Variants in DNER observed in about 807,000 individuals in gnomAD.
DNER encodes delta/notch like EGF repeat containing.
A neutral mutation model predicts 78.2 loss-of-function variants in DNER; 33 were observed. The ratio of observed to expected loss-of-function variants is 0.42; its 90% confidence interval spans 0.32 to 0.56. The LOEUF is 0.56. Among genes scored for constraint, DNER ranks in the 20% least tolerant of loss-of-function variants. The probability of loss-of-function intolerance (pLI) is 0.11; values close to 1 mark genes in which losing one functional copy is unlikely to be tolerated. For synonymous variants in DNER, 417 were observed against 384.8 expected (o/e 1.08, Z -0.98); for missense variants, 918 against 975.3 (o/e 0.94, Z 0.78).
intron 8 of DNER, among the ~76,000 whole-genome samples, chr2:229,419,286 T>C (rs1169794412): frequency 6.6e-6 from 1 of 152,246 alleles, no homozygotes; most frequent in African/African-American, 2.4e-5. Context: ...TGTTTTCAAC[T>C]TTTGAAAACA....
intron 7 of DNER, among the ~76,000 whole-genome samples, chr2:229,461,530 A>T (rs953572075): frequency 6.6e-6 from 1 of 151,978 alleles, no homozygotes; most frequent in African/African-American, 2.4e-5. Flanking sequence ...GACACATTTA[A>T]CCTCCAAAAT....
chr2:229,446,708 G>A (rs535387022), intron 8 of DNER, among the ~76,000 whole-genome samples: 1 of 152,276 alleles, frequency 6.6e-6, no homozygotes, highest in African/African-American at 2.4e-5. Context: ...TCACTTCTAG[G>A]TATCAAAACC....
Position 229,447,497 on chromosome 2 carries a change from G to A in DNER, c.1305C>T (p.Ala435=), listed in dbSNP as rs1694365424. The A allele has an allele frequency of 6.2e-7, 1 of 1,614,166 alleles. No individual in the cohort carries two copies. Among genetic ancestry groups the A allele is most frequent in the Non-Finnish European group, 8.5e-7 (1 of 1,180,028 alleles). Residue 435 remains alanine (A), a synonymous_variant, in exon 8 of 13, where the codon GCC becomes GCT. Transcript: ENST00000341772. ...SACEEKVDPC[A]SSPCQNNGTC... The stretch of plus-strand genomic sequence containing the variant: ...TGCCGTTGTTCTGGCACGGAGACGA[G>A]GCGCAGGGGTCCACCTTTTCTTCAC...
At chr2:229,696,791 T>C (rs772638953) in intron 1 of DNER, among the ~76,000 whole-genome samples, 34 of 152,248 alleles carry the variant, frequency 2.2e-4, no homozygotes, top group Middle Eastern at 6.8e-3. Context: ...ACGGCTGGAA[T>C]GGAGCTTCTG....
intron 5 of DNER, among the ~76,000 whole-genome samples, chr2:229,523,243 T>C (rs1696136194): frequency 6.6e-6 from 1 of 152,242 alleles, no homozygotes. Context: ...CACTCCAGAA[T>C]GCTAACAACC....
chr2:229,667,341 T>G (rs771535054), intron 1 of DNER, among the ~76,000 whole-genome samples: 1 of 152,176 alleles, frequency 6.6e-6, no homozygotes, highest in Admixed American at 6.5e-5. Flanking sequence ...GCATTTTGAT[T>G]TACCACTCTG....
chr2:229,430,946 G>T (rs1440106869), intron 8 of DNER, among the ~76,000 whole-genome samples: 1 of 151,974 alleles, frequency 6.6e-6, no homozygotes, highest in Non-Finnish European at 1.5e-5. Context: ...AAAGGGAAAA[G>T]ACTAGACTTA....
At chr2:229,619,809 A>T (rs1016825440) in intron 1 of DNER, among the ~76,000 whole-genome samples, 6 of 152,216 alleles carry the variant, frequency 3.9e-5, no homozygotes, top group African/African-American at 1.4e-4. Context: ...AATAGTGAAT[A>T]TAAACTTACT....
chr2:229,562,901 C>T lies in DNER; in HGVS notation c.848-15809G>A, dbSNP rs553312423. ...ATCCTTATCCCATTACCATCATCAT[C>T]AACTTCATCATCATCCTTATCCCAT... On this transcript the variant is annotated intron_variant, in intron 4 of 12. Transcript: ENST00000341772. 4.6e-5 allele frequency among the ~76,000 whole-genome samples: 7 copies of T among 152,026 alleles called. No homozygotes were observed. In the South Asian group the frequency reaches 1.5e-3, roughly 32 times the overall value.
chr2:229,591,466 T>C lies in DNER; in HGVS notation c.585+114A>G. ...GAATAAGTTTAGGGAGATATTTTGC[T>C]TCGTGATTTAACTTAAAATGCTTTC... On this transcript the variant is annotated intron_variant, in intron 2 of 12. Coordinates refer to ENST00000341772, the MANE Select transcript of DNER (RefSeq NM_139072.4). The surrounding 1 kb of genome is among the most constrained non-coding windows in gnomAD (Gnocchi z 4.6). 7.7e-7 allele frequency: 1 copy of C among 1,296,258 alleles called. No individual in the cohort carries two copies. Among genetic ancestry groups the C allele is most frequent in the Non-Finnish European group, 1.0e-6 (1 of 961,042 alleles). The allele number at this position is 1,296,258 out of a possible 1,614,324, so 80.3% of individuals were successfully genotyped here.
chr2:229,378,649 T>G (rs1312854082), intron 11 of DNER, among the ~76,000 whole-genome samples: 1 of 152,200 alleles, frequency 6.6e-6, no homozygotes, highest in Non-Finnish European at 1.5e-5. Flanking sequence ...CTTTTCTGTT[T>G]AGATCTACTG....
At chr2:229,559,637 G>T (rs1696919196) in intron 4 of DNER, among the ~76,000 whole-genome samples, 1 of 152,012 alleles carries the variant, frequency 6.6e-6, no homozygotes, top group African/African-American at 2.4e-5. Flanking sequence ...CAGAAGAAAG[G>T]GAAGGAAGGA....
intron 1 of DNER, among the ~76,000 whole-genome samples, chr2:229,639,119 A>T (rs1268203840): frequency 6.6e-6 from 1 of 152,242 alleles, no homozygotes; most frequent in African/African-American, 2.4e-5. Flanking sequence ...CATCTCTATG[A>T]CCATACCATG....
At chr2:229,548,755 A>T (rs1293281670) in intron 4 of DNER, among the ~76,000 whole-genome samples, 1 of 152,208 alleles carries the variant, frequency 6.6e-6, no homozygotes, top group East Asian at 1.9e-4. Context: ...AAAATATATA[A>T]AAAACAAACA....
At chr2:229,607,066 A>G (rs1169222427) in intron 1 of DNER, among the ~76,000 whole-genome samples, 1 of 152,218 alleles carries the variant, frequency 6.6e-6, no homozygotes, top group African/African-American at 2.4e-5. Context: ...ATACAAGGAA[A>G]TAAGCCACCA....
intron 1 of DNER, among the ~76,000 whole-genome samples, chr2:229,630,567 C>T (rs1393334771): frequency 6.6e-6 from 1 of 151,386 alleles, no homozygotes; most frequent in Non-Finnish European, 1.5e-5. Flanking sequence ...TTACCCATGG[C>T]ACAGGGATCG....
At chr2:229,514,909 C>T (rs983411168) in intron 5 of DNER, among the ~76,000 whole-genome samples, 8 of 152,290 alleles carry the variant, frequency 5.3e-5, no homozygotes, top group Admixed American at 2.6e-4. Context: ...TAACAGAATA[C>T]GGTTTTTTGC....
chr2:229,563,543 C>CCATCACCATCATCATCATCACCT (rs1697015332), intron 4 of DNER, among the ~76,000 whole-genome samples: 1 of 146,280 alleles, frequency 6.8e-6, no homozygotes, highest in African/African-American at 2.6e-5. Flanking sequence ...CGTCATCACC[C>CCATCACCATCATCATCATCACCT]CATCACCATC....
intron 5 of DNER, among the ~76,000 whole-genome samples, chr2:229,539,814 A>G (rs1696477763): frequency 1.3e-5 from 2 of 152,132 alleles, no homozygotes; most frequent in Non-Finnish European, 2.9e-5. Flanking sequence ...TGAGTCAGAC[A>G]TTTCTCTGGG....
Sources: allele counts gnomAD v4.1 joint callset (sites outside exome capture counted in the v4.1 genomes callset), GRCh38; gene constraint gnomAD v4.1.1; non-coding constraint Gnocchi (gnomAD v3.1); transcripts MANE v1.5; gene names NCBI Gene and HGNC (gene_info 2026-07-23, HGNC 2026-07-21).